The following FER variants were observed in gnomAD, a reference collection of about 807,000 sequenced individuals.
FER encodes the protein FER tyrosine kinase.
In FER, 63 loss-of-function variants were observed where a neutral mutation model predicts 111.0. The ratio of observed to expected loss-of-function variants is 0.57; its 90% CI spans 0.46 to 0.70. The LOEUF (loss-of-function observed/expected upper bound fraction) is 0.70, where lower values mean the gene tolerates loss of function less well. Ranked by LOEUF, FER falls within the 30% of genes least tolerant of loss-of-function variation. The probability of loss-of-function intolerance (pLI) is 0.00; values close to 1 mark genes in which losing one functional copy is unlikely to be tolerated. For missense variants in FER, 914 were observed against 954.0 expected, an observed-to-expected ratio of 0.96 and a Z score of 0.55; for synonymous variants, 327 against 313.9, an observed-to-expected ratio of 1.04 and a Z score of -0.44.
At position 108,843,554 on chromosome 5, in the gene FER, G is replaced by T. The variant is rs1195857048; in HGVS notation, c.481+7747G>T. 2.7e-5 allele frequency among the ~76,000 whole-genome samples: 4 copies of T among 146,476 alleles called. No individual in the cohort carries two copies. In the East Asian group the frequency reaches 6.0e-4, roughly 22 times the overall value. On this transcript the variant is annotated intron_variant, in intron 5 of 19. Transcript: ENST00000281092. ...TTTTTTTTTTTTTTTTTCCCAAGAT[G>T]GAGTCTCGCTCTGTCGCCAGGCTGG...
At chr5:109,158,289 C>T (rs979792561) in intron 17 of FER, among the ~76,000 whole-genome samples, 1 of 151,784 alleles carries the variant, frequency 6.6e-6, no homozygotes, top group Admixed American at 6.6e-5. Flanking sequence ...GGTCAGAAGT[C>T]GGGGTCGGGG....
intron 13 of FER, among the ~76,000 whole-genome samples, chr5:109,017,373 CAT>C (rs1262684257): frequency 6.6e-6 from 1 of 151,790 alleles, no homozygotes. Flanking sequence ...AAATACAAAA[CAT>C]ATTGTTTTAA....
At chr5:109,125,749 C>T (rs1751631927) in intron 17 of FER, among the ~76,000 whole-genome samples, 1 of 152,166 alleles carries the variant, frequency 6.6e-6, no homozygotes, top group Admixed American at 6.5e-5. Context: ...TTCTAAAAAC[C>T]TGATATTCCC....
intron 5 of FER, among the ~76,000 whole-genome samples, chr5:108,864,724 T>C (rs1353042875): frequency 1.3e-5 from 2 of 152,208 alleles, no homozygotes; most frequent in Non-Finnish European, 2.9e-5. Flanking sequence ...TATATCTCTG[T>C]TTTGGTACCA....
rs1008988261 is a variant in FER at position 109,032,226 on chromosome 5, G to A, written c.1657-5196G>A. ...GCGAAGTAGAAAAATAAACTCTTTA[G>A]AGATGTTAGAGAGAAGAGAGCTAAT... On this transcript the variant is annotated intron_variant, in intron 13 of 19. Transcript: ENST00000281092. Among the ~76,000 whole-genome samples, 8 of 152,128 alleles carry A rather than the reference G, an allele frequency of 5.3e-5. No homozygotes were observed. In the East Asian group the frequency reaches 1.5e-3, roughly 29 times the overall value.
chr5:109,138,808 G>A (rs75153887), intron 17 of FER, among the ~76,000 whole-genome samples: 3,596 of 152,182 alleles, frequency 0.024, 164 homozygotes, highest in African/African-American at 0.082. Flanking sequence ...ACTATGTCAC[G>A]TGCAGTATGA....
Position 109,147,800 on chromosome 5 carries a change from T to TAGAGAG in FER, c.2049-32925_2049-32920dup, listed in dbSNP as rs750473377. 2.9e-3 allele frequency among the ~76,000 whole-genome samples: 344 copies of TAGAGAG among 118,590 alleles called. 3 individuals are homozygous for TAGAGAG. The highest frequency in any genetic ancestry group is 4.4e-3 in the Admixed American group (54 of 12,272). 77.8% of individuals were successfully genotyped at this position (118,590 alleles called of 152,430 possible). A position where few individuals can be genotyped will look rare whatever the true frequency, so the allele number is the denominator to read the frequency against. The stretch of plus-strand genomic sequence containing the variant: ...ACATACATATATATATATATATATA[T>TAGAGAG]AGAGAGAGAGAGAGAGAGAGAGAGA... On this transcript the variant is annotated intron_variant, in intron 17 of 19. Transcript: ENST00000281092.
At chr5:108,806,611 ACC>A (rs1404243320) in intron 3 of FER, among the ~76,000 whole-genome samples, 1 of 152,154 alleles carries the variant, frequency 6.6e-6, no homozygotes, top group African/African-American at 2.4e-5. Flanking sequence ...CATCTGCGTG[ACC>A]TGGATGCAAG....
intron 17 of FER, among the ~76,000 whole-genome samples, chr5:109,114,670 T>C (rs966338140): frequency 6.6e-6 from 1 of 152,084 alleles, no homozygotes; most frequent in African/African-American, 2.4e-5. Context: ...CATGTCTTCG[T>C]TTCAATAAAA....
rs1226727980 is a variant in FER at position 109,187,862 on chromosome 5, A to AAAAG, written c.*289_*292dup. On this transcript the variant is annotated 3_prime_UTR_variant, in exon 20 of 20. Coordinates refer to ENST00000281092, the MANE Select transcript of FER (RefSeq NM_005246.4). ...ACAGGCTTCTAAGTGTGTGAAGGAT[A>AAAAG]AAAGATCTATCCTATCCTTTTCACA... The AAAAG allele has an allele frequency of 2.4e-5, 10 of 411,396 alleles. No homozygotes were observed. The highest frequency in any genetic ancestry group is 4.0e-5 in the Non-Finnish European group (9 of 225,202). The allele number at this position is 411,396 out of a possible 1,614,324, so 25.5% of individuals were successfully genotyped here. A position where few individuals can be genotyped will look rare whatever the true frequency, so the allele number is the denominator to read the frequency against.
At chr5:108,775,510 C>T (rs555628637) in intron 2 of FER, among the ~76,000 whole-genome samples, 98 of 152,170 alleles carry the variant, frequency 6.4e-4, no homozygotes, top group Non-Finnish European at 1.2e-3. Context: ...AATATCAGTA[C>T]TTCAAATGTA....
At chr5:108,891,789 A>G (rs1469950434) in intron 9 of FER, among the ~76,000 whole-genome samples, 4 of 151,754 alleles carry the variant, frequency 2.6e-5, no homozygotes, top group African/African-American at 4.8e-5. Flanking sequence ...AACATTAGGT[A>G]TATCTCCAAA....
At chr5:108,920,259 A>G (rs896743900) in intron 10 of FER, among the ~76,000 whole-genome samples, 9 of 152,112 alleles carry the variant, frequency 5.9e-5, no homozygotes, top group Non-Finnish European at 8.8e-5. Flanking sequence ...AATCCTACCT[A>G]CCAAAAGTTA....
At chr5:109,052,624 A>G (rs1344572515) in intron 16 of FER, among the ~76,000 whole-genome samples, 4 of 152,196 alleles carry the variant, frequency 2.6e-5, no homozygotes, top group Non-Finnish European at 4.4e-5. Context: ...CCTTCCCCCA[A>G]TGAAAGAAAA....
Position 109,146,801 on chromosome 5 carries a change from T to C in FER, c.2049-33946T>C, listed in dbSNP as rs1582249323. Among the ~76,000 whole-genome samples, 3 of 152,172 alleles carry C rather than the reference T, an allele frequency of 2.0e-5. No homozygotes were observed. The East Asian group carries it at 5.8e-4, about 29-fold the overall frequency. ...GTTGCTCCATATGGTAAGTATGGCA[T>C]TGGCAAGACTTGACTTTGCTATGTT... On this transcript the variant is annotated intron_variant, in intron 17 of 19. Transcript: ENST00000281092.
At chr5:109,004,308 C>T (rs1162360458) in intron 13 of FER, among the ~76,000 whole-genome samples, 2 of 152,192 alleles carry the variant, frequency 1.3e-5, no homozygotes, top group Non-Finnish European at 2.9e-5. Context: ...TAACATTTCC[C>T]TAATCACAGA....
At chr5:108,888,849 A>G (rs564528487) in intron 9 of FER, among the ~76,000 whole-genome samples, 15 of 152,040 alleles carry the variant, frequency 9.9e-5, no homozygotes, top group South Asian at 2.1e-4. Flanking sequence ...ATGATCAGAC[A>G]TGTTGATTTT....
At chr5:109,019,658 C>T (rs1052919930) in intron 13 of FER, among the ~76,000 whole-genome samples, 24 of 151,714 alleles carry the variant, frequency 1.6e-4, no homozygotes, top group African/African-American at 5.6e-4. Context: ...CCAGTTGATT[C>T]TGATGCAGGC....
intron 13 of FER, among the ~76,000 whole-genome samples, chr5:108,983,600 G>A (rs181401236): frequency 1.2e-4 from 18 of 152,220 alleles, no homozygotes; most frequent in Middle Eastern, 3.4e-3. Context: ...AAGCAGATGA[G>A]TAGTATTTCT....
Sources: gnomAD v4.1 joint callset for allele counts (sites outside exome capture counted in the v4.1 genomes callset) on GRCh38, gnomAD v4.1.1 for gene constraint, MANE v1.5 for transcripts, NCBI Gene and HGNC (gene_info 2026-07-23, HGNC 2026-07-21) for gene names.